The following GPC5 variants were observed in gnomAD, a reference collection of about 807,000 sequenced individuals.
GPC5 encodes the protein glypican-5.
Under a neutral mutation model 53.9 loss-of-function variants are expected in GPC5, and 47 were observed. The observed-to-expected ratio is 0.87, with a 90% CI of 0.69 to 1.11. The LOEUF is 1.11. Among genes scored for constraint, GPC5 ranks in the 50% most tolerant of loss-of-function variants. GPC5 has a pLI of 0.00. For synonymous variants in GPC5, 286 were observed against 263.3 expected (o/e 1.09, Z -0.84); for missense variants, 748 against 713.1 (o/e 1.05, Z -0.56).
chr13:92,780,370 ATAAT>A (rs960635725), intron 7 of GPC5, among the ~76,000 whole-genome samples: 15 of 146,700 alleles, frequency 1.0e-4, no homozygotes, highest in African/African-American at 3.9e-4. Context: ...TTCACTTAAT[ATAAT>A]TAAGTGTAAT....
At chr13:92,692,868 A>G (rs1887453981) in intron 7 of GPC5, among the ~76,000 whole-genome samples, 1 of 150,012 alleles carries the variant, frequency 6.7e-6, no homozygotes, top group African/African-American at 2.5e-5. Flanking sequence ...ATAAGCACTA[A>G]TATGGTTTGG....
intron 7 of GPC5, among the ~76,000 whole-genome samples, chr13:92,307,234 G>A (rs183430207): frequency 6.6e-6 from 1 of 152,192 alleles, no homozygotes; most frequent in African/African-American, 2.4e-5. Context: ...ATATTTTTCA[G>A]TTTAAGAAAT....
At chr13:92,251,487 TC>T (rs2042692397) in intron 7 of GPC5, among the ~76,000 whole-genome samples, 1 of 152,114 alleles carries the variant, frequency 6.6e-6, no homozygotes, top group African/African-American at 2.4e-5. Flanking sequence ...CTCTGGATTA[TC>T]CTTGGGGTGT....
chr13:92,502,520 A>C (rs1880223273), intron 7 of GPC5, among the ~76,000 whole-genome samples: 1 of 152,002 alleles, frequency 6.6e-6, no homozygotes, highest in African/African-American at 2.4e-5. Context: ...AGCTAGATAT[A>C]AAGGATTGAG....
intron 7 of GPC5, among the ~76,000 whole-genome samples, chr13:92,741,039 C>A (rs1889077487): frequency 6.8e-6 from 1 of 147,042 alleles, no homozygotes; most frequent in Non-Finnish European, 1.5e-5. Context: ...TAAGATTATT[C>A]CTTCTACCTG....
chr13:91,862,316 T>C (rs1195969740), intron 5 of GPC5, among the ~76,000 whole-genome samples: 1 of 152,206 alleles, frequency 6.6e-6, no homozygotes, highest in Non-Finnish European at 1.5e-5. Flanking sequence ...CCTGATGCTC[T>C]GTCATCTCCA....
intron 7 of GPC5, among the ~76,000 whole-genome samples, chr13:92,698,757 G>T (rs1249871593): frequency 7.2e-5 from 11 of 152,130 alleles, no homozygotes; most frequent in Admixed American, 6.6e-4. Context: ...TTCCACAATG[G>T]TTGAACTAGT....
At chr13:92,139,251 A>AT (rs1462463733) in intron 6 of GPC5, among the ~76,000 whole-genome samples, 1 of 152,138 alleles carries the variant, frequency 6.6e-6, no homozygotes. Flanking sequence ...TTTTCAGGTT[A>AT]TTTTTTATCC....
At chr13:92,397,325 T>C (rs1044496109) in intron 7 of GPC5, among the ~76,000 whole-genome samples, 1 of 152,188 alleles carries the variant, frequency 6.6e-6, no homozygotes, top group Non-Finnish European at 1.5e-5. Context: ...TCATGAGATT[T>C]GATGGTTTCA....
At chr13:92,514,136 G>GC (rs1440788841) in intron 7 of GPC5, among the ~76,000 whole-genome samples, 29 of 81,244 alleles carry the variant, frequency 3.6e-4, no homozygotes, top group East Asian at 1.5e-3. Context: ...GCTAGTCCCT[G>GC]CCCCCCCGCC....
intron 7 of GPC5, among the ~76,000 whole-genome samples, chr13:92,412,048 C>T (rs1028199449): frequency 1.3e-5 from 2 of 152,146 alleles, no homozygotes; most frequent in South Asian, 2.1e-4. Flanking sequence ...CTTTGACATA[C>T]GGTTCTCTTC....
chr13:92,234,465 G>A (rs2042554917), intron 7 of GPC5, among the ~76,000 whole-genome samples: 2 of 152,106 alleles, frequency 1.3e-5, no homozygotes, highest in Non-Finnish European at 2.9e-5. Flanking sequence ...TGCATAGGGA[G>A]CCTCACAAGA....
intron 7 of GPC5, among the ~76,000 whole-genome samples, chr13:92,690,550 G>A (rs1887351689): frequency 7.3e-6 from 1 of 136,894 alleles, no homozygotes; most frequent in African/African-American, 2.8e-5. Flanking sequence ...ATCGTCTGAA[G>A]CCTTCTTCTC....
chr13:92,139,913 G>A (rs559139077), intron 6 of GPC5, among the ~76,000 whole-genome samples: 30 of 152,160 alleles, frequency 2.0e-4, no homozygotes, highest in African/African-American at 3.6e-4. Flanking sequence ...TGTATTTAGC[G>A]TCTACAATGT....
At chr13:92,251,722 G>T (rs2042694013) in intron 7 of GPC5, among the ~76,000 whole-genome samples, 1 of 152,104 alleles carries the variant, frequency 6.6e-6, no homozygotes, top group African/African-American at 2.4e-5. Context: ...GTGTTAATGG[G>T]ATGGGAAGAA....
At chr13:92,149,780 C>A (rs558343504) in intron 7 of GPC5, among the ~76,000 whole-genome samples, 2 of 151,976 alleles carry the variant, frequency 1.3e-5, no homozygotes, top group East Asian at 3.9e-4. Context: ...GTTAAGGAGA[C>A]CTTAAAAAGA....
chr13:91,436,759 G>A (rs1379030494), intron 1 of GPC5, among the ~76,000 whole-genome samples: 7 of 152,040 alleles, frequency 4.6e-5, no homozygotes, highest in African/African-American at 7.2e-5. Context: ...TTTCTGTGTC[G>A]TTGATCTGTC....
At chr13:92,417,582 A>C (rs1460721218) in intron 7 of GPC5, among the ~76,000 whole-genome samples, 1 of 152,190 alleles carries the variant, frequency 6.6e-6, no homozygotes, top group Non-Finnish European at 1.5e-5. Context: ...AATGAGTAGA[A>C]AAATTCTAGG....
chr13:92,509,361 C>T (rs1880483491), intron 7 of GPC5, among the ~76,000 whole-genome samples: 1 of 152,072 alleles, frequency 6.6e-6, no homozygotes, highest in Admixed American at 6.5e-5. Flanking sequence ...TATTATATTC[C>T]CCCAAAAGGT....
Sources: gnomAD v4.1 joint callset for allele counts (sites outside exome capture counted in the v4.1 genomes callset) on GRCh38, gnomAD v4.1.1 for gene constraint, MANE v1.5 for transcripts, NCBI Gene and HGNC (gene_info 2026-07-23, HGNC 2026-07-21) for gene names.